HHLA2: variants seen among roughly 807,000 people sequenced by gnomAD.
HHLA2 encodes the protein HERV-H LTR-associating protein 2.
HHLA2 carries 48 observed loss-of-function variants against 45.9 expected under a neutral mutation model. That is an observed-to-expected ratio of 1.05 (90% CI 0.83 to 1.33). The LOEUF (loss-of-function observed/expected upper bound fraction) is 1.33. Ranked by LOEUF, HHLA2 falls within the 40% of genes most tolerant of loss-of-function variation. The probability of loss-of-function intolerance (pLI) is 0.00; values close to 1 mark genes in which losing one functional copy is unlikely to be tolerated. For missense variants in HHLA2, 462 were observed against 494.3 expected, an observed-to-expected ratio of 0.93 and a Z score of 0.62; for synonymous variants, 161 against 173.9, an observed-to-expected ratio of 0.93 and a Z score of 0.59.
intron 10 of HHLA2, 95 bp downstream of exon 9, chr3:108,376,652 C>A (rs2082281274): frequency 9.2e-7 from 1 of 1,085,806 alleles, no homozygotes; most frequent in Non-Finnish European, 1.4e-6. Flanking sequence ...TATCATCAAG[C>A]AAGACTTTTA....
At chr3:108,347,508 G>A (rs1284812202) in intron 3 of HHLA2, among the ~76,000 whole-genome samples, 6 of 152,174 alleles carry the variant, frequency 3.9e-5, no homozygotes, top group African/African-American at 1.2e-4. Flanking sequence ...GGATGCTAGG[G>A]TTAAGAATTT....
chr3:108,344,995 T>A (rs2081637623), intron 3 of HHLA2, among the ~76,000 whole-genome samples: 1 of 152,174 alleles, frequency 6.6e-6, no homozygotes, highest in Admixed American at 6.5e-5. Flanking sequence ...CCCCACCTTG[T>A]GTAATGTGGA....
chr3:108,335,896 G>C (rs2081464462), intron 3 of HHLA2, among the ~76,000 whole-genome samples: 1 of 151,850 alleles, frequency 6.6e-6, no homozygotes, highest in African/African-American at 2.4e-5. Flanking sequence ...TGATCCATTT[G>C]TCAACCTTAG....
chr3:108,368,595 G>A (rs1231088083), intron 8 of HHLA2, among the ~76,000 whole-genome samples: 4 of 90,788 alleles, frequency 4.4e-5, no homozygotes, highest in Admixed American at 1.3e-4. Flanking sequence ...TCTAGTCTCT[G>A]ATAAAACAGA....
intron 7 of HHLA2, among the ~76,000 whole-genome samples, chr3:108,359,916 C>T (rs1426598008): frequency 1.3e-5 from 2 of 152,106 alleles, no homozygotes; most frequent in Non-Finnish European, 2.9e-5. Context: ...CATGTTTATG[C>T]CTTGGTGCCT....
intron 8 of HHLA2, among the ~76,000 whole-genome samples, chr3:108,369,299 T>C (rs1354278084): frequency 6.6e-6 from 1 of 151,754 alleles, no homozygotes; most frequent in Non-Finnish European, 1.5e-5. Context: ...CACCCTAACA[T>C]CACAATGAAA....
Position 108,355,294 on chromosome 3 carries a change from AATATTAC to A in HHLA2, c.600_606del (p.Asn200LysfsTer16). On this transcript the variant is annotated frameshift_variant, in exon 6 of 11. Transcript: ENST00000619531. LOFTEE classifies it high-confidence loss of function. ...TTCTTTTTCTATTAACAGCCCACTG[AATATTAC>A]AGGATCAAATTCATCTTATGAATGT... The A allele has an allele frequency of 6.2e-7, 1 of 1,613,920 alleles. No homozygotes were observed. Among genetic ancestry groups the A allele is most frequent in the Non-Finnish European group, 8.5e-7 (1 of 1,179,842 alleles).
At chr3:108,377,196 G>A (rs557671189) in intron 10 of HHLA2, 62 bp from the exon 10 acceptor site, 2 of 1,113,116 alleles carry the variant, frequency 1.8e-6, no homozygotes, top group Non-Finnish European at 2.7e-6. Context: ...AAATATTTAA[G>A]ATATAAATGG....
intron 8 of HHLA2, among the ~76,000 whole-genome samples, chr3:108,365,622 A>AT (rs1219965564): frequency 6.6e-5 from 10 of 151,174 alleles, no homozygotes; most frequent in Non-Finnish European, 1.0e-4. Context: ...TAAGTATGAA[A>AT]TTTTTTTCCA....
chr3:108,317,236 C>A (rs138162713), intron 2 of HHLA2, among the ~76,000 whole-genome samples: 1 of 152,160 alleles, frequency 6.6e-6, no homozygotes, highest in Non-Finnish European at 1.5e-5. Flanking sequence ...TAGAGTTTAA[C>A]GAATCTGTAG....
intron 8 of HHLA2, among the ~76,000 whole-genome samples, chr3:108,373,272 TCAA>T (rs2082212362): frequency 6.6e-6 from 1 of 152,140 alleles, no homozygotes; most frequent in African/African-American, 2.4e-5. Flanking sequence ...TTGACACAAT[TCAA>T]CAACGCCTTC....
intron 6 of HHLA2, among the ~76,000 whole-genome samples, chr3:108,355,856 A>G (rs150504544): frequency 1.1e-3 from 169 of 152,244 alleles, no homozygotes; most frequent in Non-Finnish European, 2.0e-3. Flanking sequence ...TTTACATAGT[A>G]TTAGCCCATC....
intron 1 of HHLA2, among the ~76,000 whole-genome samples, chr3:108,307,373 C>T (rs529178374): frequency 1.3e-5 from 2 of 151,986 alleles, no homozygotes; most frequent in African/African-American, 2.4e-5. Flanking sequence ...TGGTGGCTCA[C>T]GGCTGTAATC....
chr3:108,331,289 A>G (rs1328847512), intron 3 of HHLA2, among the ~76,000 whole-genome samples: 1 of 152,092 alleles, frequency 6.6e-6, no homozygotes, highest in Non-Finnish European at 1.5e-5. Flanking sequence ...CATAGTTTTT[A>G]TATTTTGAAG....
chr3:108,332,404 T>G (rs1353785412), intron 3 of HHLA2, among the ~76,000 whole-genome samples: 3 of 152,220 alleles, frequency 2.0e-5, no homozygotes, highest in African/African-American at 4.8e-5. Context: ...AATCATTTCA[T>G]AAATAATGTA....
intron 3 of HHLA2, among the ~76,000 whole-genome samples, chr3:108,346,650 T>C (rs1240691105): frequency 6.6e-6 from 1 of 152,130 alleles, no homozygotes; most frequent in Non-Finnish European, 1.5e-5. Context: ...CCAGGACTAG[T>C]CTTTTAAAAA....
Position 108,362,335 on chromosome 3 carries a change from T to G in HHLA2, c.1004-7T>G, listed in dbSNP as rs375602052. On this transcript the variant is annotated splice_polypyrimidine_tract_variant and splice_region_variant and intron_variant, in intron 7 of 10. Transcript: ENST00000619531. ...TCACAGACTTTGTTTCTCCTTTTTT[T>G]TTTTAGAACCGAGCCAAGAAACAGC... 166 of 1,601,712 alleles carry G rather than the reference T, an allele frequency of 1.0e-4. No homozygotes were observed. Among genetic ancestry groups the G allele is most frequent in the Non-Finnish European group, 1.3e-4 (152 of 1,174,764 alleles).
chr3:108,365,940 T>G (rs1220011195), intron 8 of HHLA2, among the ~76,000 whole-genome samples: 1 of 152,228 alleles, frequency 6.6e-6, no homozygotes, highest in Non-Finnish European at 1.5e-5. Context: ...CAGAGACAAT[T>G]TGACTTCCTC....
chr3:108,298,755 A>G (rs1175714921), intron 1 of HHLA2, among the ~76,000 whole-genome samples: 2 of 152,228 alleles, frequency 1.3e-5, no homozygotes, highest in Non-Finnish European at 2.9e-5. Flanking sequence ...AAAATTGAGT[A>G]ACGAATGGGG....
Sources: allele counts gnomAD v4.1 joint callset (sites outside exome capture counted in the v4.1 genomes callset), GRCh38; gene constraint gnomAD v4.1.1; transcripts MANE v1.5; gene names NCBI Gene and HGNC (gene_info 2026-07-23, HGNC 2026-07-21).